Variants in UBE2W observed in about 807,000 individuals in gnomAD.
UBE2W encodes the protein ubiquitin-conjugating enzyme E2 W.
A neutral mutation model predicts 27.2 loss-of-function variants in UBE2W; 18 were observed. That is an observed-to-expected ratio of 0.66 (90% CI 0.46 to 0.98). UBE2W has a LOEUF of 0.98. Ranked by LOEUF, UBE2W falls within the 50% of genes least tolerant of loss-of-function variation. The pLI is 0.00. For missense variants in UBE2W, 90 were observed against 180.2 expected, an observed-to-expected ratio of 0.50 and a Z score of 2.87; for synonymous variants, 53 against 57.2, an observed-to-expected ratio of 0.93 and a Z score of 0.33.
intron 3 of UBE2W, among the ~76,000 whole-genome samples, chr8:73,817,719 G>A (rs1809451213): frequency 6.6e-6 from 1 of 152,072 alleles, no homozygotes; most frequent in Non-Finnish European, 1.5e-5. Flanking sequence ...CACCATGTTG[G>A]CCAGGTTGGT....
intron 1 of UBE2W, among the ~76,000 whole-genome samples, chr8:73,846,433 G>A (rs1810802844): frequency 6.6e-6 from 1 of 152,042 alleles, no homozygotes; most frequent in African/African-American, 2.4e-5. Context: ...CTTTGGGGCA[G>A]ATGTTTCAGA....
At chr8:73,800,816 G>T (rs764738576) in intron 5 of UBE2W, among the ~76,000 whole-genome samples, 1 of 152,168 alleles carries the variant, frequency 6.6e-6, no homozygotes, top group Non-Finnish European at 1.5e-5. Flanking sequence ...TCTATTGGCT[G>T]GGCGCAGTGG....
Position 73,788,981 on chromosome 8 carries a change from T to A in UBE2W, c.*5121A>T, listed in dbSNP as rs1416686698. The A allele has an allele frequency of 1.0e-6, 1 of 982,590 alleles. No individual in the cohort carries two copies. The highest frequency in any genetic ancestry group is 1.7e-5 in the African/African-American group (1 of 57,216). 60.9% of individuals were successfully genotyped at this position (982,590 alleles called of 1,614,324 possible). A position where few individuals can be genotyped will look rare whatever the true frequency, so the allele number is the denominator to read the frequency against. On this transcript the variant is annotated 3_prime_UTR_variant, in exon 6 of 6. Coordinates refer to ENST00000602593, the MANE Select transcript of UBE2W (RefSeq NM_018299.6). ...TAACAAAAAATTTTTCATAAAAAAATAGTCATTTAATCATTCTAGAGACTC... is the reference window on the plus strand; with the variant it reads ...TAACAAAAAATTTTTCATAAAAAAAAAGTCATTTAATCATTCTAGAGACTC...
chr8:73,810,350 C>T (rs1390170233), intron 4 of UBE2W, 124 bp downstream of exon 4: 3 of 965,176 alleles, frequency 3.1e-6, no homozygotes, highest in African/African-American at 3.4e-5. Context: ...ACATGAAATT[C>T]CCTATAATTT....
At chr8:73,878,712 C>A in intron 1 of UBE2W, 96 bp downstream of exon 1, 1 of 1,154,164 alleles carries the variant, frequency 8.7e-7, no homozygotes, top group Non-Finnish European at 1.3e-6. Context: ...CCGAACCCGC[C>A]CGGGTGTCCC....
chr8:73,805,462 A>AAACAAAAAAC lies in UBE2W; in HGVS notation c.442+188_442+189insGTTTTTTGTT, dbSNP rs1808844348. 6.0e-5 allele frequency among the ~76,000 whole-genome samples: 8 copies of AAACAAAAAAC among 132,750 alleles called. 1 individual carries two copies. The highest frequency in any genetic ancestry group is 1.3e-4 in the Non-Finnish European group (8 of 59,438). The allele number at this position is 132,750 out of a possible 152,430, so 87.1% of individuals were successfully genotyped here. A position where few individuals can be genotyped will look rare whatever the true frequency, so the allele number is the denominator to read the frequency against. On this transcript the variant is annotated intron_variant, in intron 5 of 5. Transcript: ENST00000602593. ...AGAGCAAAACTCCATCTCAAAAAAA[A>AAACAAAAAAC]AAAAAAAAACAAAAAAAACTAGGGT... is the stretch of plus-strand genomic sequence containing the variant.
chr8:73,813,780 T>C (rs968817771), intron 3 of UBE2W, among the ~76,000 whole-genome samples: 2 of 152,076 alleles, frequency 1.3e-5, no homozygotes, highest in African/African-American at 4.8e-5. Context: ...CAGATAGAGC[T>C]TTGCTCTTGT....
rs1220217297 is a variant in UBE2W, at chr8:73,791,521, C to G, written c.*2581G>C. The G allele has an allele frequency of 3.0e-6, 3 of 985,044 alleles. No homozygotes were observed. The highest frequency in any genetic ancestry group is 1.7e-5 in the African/African-American group (1 of 57,200). 61.0% of individuals were successfully genotyped at this position (985,044 alleles called of 1,614,324 possible). A position where few individuals can be genotyped will look rare whatever the true frequency, so the allele number is the denominator to read the frequency against. ...AGTAGCATATTCCTATATACATTTTCTTGATATTCTGGTTGTCTTTCAACA... is the reference window on the plus strand; with the variant it reads ...AGTAGCATATTCCTATATACATTTTGTTGATATTCTGGTTGTCTTTCAACA... On this transcript the variant is annotated 3_prime_UTR_variant, in exon 6 of 6. Coordinates refer to ENST00000602593, the MANE Select transcript of UBE2W (RefSeq NM_018299.6).
intron 1 of UBE2W, among the ~76,000 whole-genome samples, chr8:73,865,111 G>A (rs1346576107): frequency 7.7e-6 from 1 of 129,894 alleles, no homozygotes; most frequent in African/African-American, 2.9e-5. Context: ...AAAAAGTCTT[G>A]TTTGACCTCA....
At chr8:73,878,736 C>A in intron 1 of UBE2W, 72 bp downstream of exon 1, 1 of 1,373,792 alleles carries the variant, frequency 7.3e-7, no homozygotes, top group Non-Finnish European at 1.0e-6. Flanking sequence ...ATCGCGGACG[C>A]CACCCCCGCC....
At chr8:73,833,166 CAG>C (rs1334535001) in intron 1 of UBE2W, among the ~76,000 whole-genome samples, 1 of 117,112 alleles carries the variant, frequency 8.5e-6, no homozygotes, top group East Asian at 2.4e-4. Flanking sequence ...GCCTGGGCGA[CAG>C]AGTGAGACTC....
chr8:73,840,474 G>A (rs1202219282), intron 1 of UBE2W, among the ~76,000 whole-genome samples: 2 of 152,180 alleles, frequency 1.3e-5, no homozygotes, highest in Non-Finnish European at 2.9e-5. Flanking sequence ...TACTCTTGTG[G>A]TTATGAATCA....
chr8:73,782,227 A>G (rs563739709), downstream of UBE2W, among the ~76,000 whole-genome samples: 144 of 152,078 alleles, frequency 9.5e-4, no homozygotes, highest in Non-Finnish European at 1.9e-3. Context: ...GATTACAGGC[A>G]TGAGCCACTG....
At chr8:73,861,435 C>A (rs1431726291) in intron 1 of UBE2W, among the ~76,000 whole-genome samples, 1 of 152,076 alleles carries the variant, frequency 6.6e-6, no homozygotes, top group East Asian at 1.9e-4. Flanking sequence ...ATTCTTGGTA[C>A]GGGGCCCTGA....
At chr8:73,868,118 C>T (rs1254693902) in intron 1 of UBE2W, among the ~76,000 whole-genome samples, 4 of 152,132 alleles carry the variant, frequency 2.6e-5, no homozygotes, top group Admixed American at 2.6e-4. Flanking sequence ...CCTGGAGAGC[C>T]TCAGAAGGGA....
rs566383466 is a variant in UBE2W, at chr8:73,786,499, T to C, written c.*7603A>G. 1 of 985,476 alleles carries C rather than the reference T, an allele frequency of 1.0e-6. No individual in the cohort carries two copies. Among genetic ancestry groups the C allele is most frequent in the East Asian group, 1.1e-4 (1 of 8,818 alleles). 61.0% of individuals were successfully genotyped at this position (985,476 alleles called of 1,614,324 possible). On this transcript the variant is annotated 3_prime_UTR_variant, in exon 6 of 6. Coordinates refer to ENST00000602593, the MANE Select transcript of UBE2W (RefSeq NM_018299.6). ...AACACAATTGCAACACTGTCCCTAC[T>C]GTTAAAAAGTTCAGGATAGATGACT...
chr8:73,791,267 GAAAA>G lies in UBE2W; in HGVS notation c.*2831_*2834del, dbSNP rs1267971469. ...TGGCATTAATCCCTACTTGACCAAA[GAAAA>G]AAAAAAAAAAGAAGGGCATCATGTT... On this transcript the variant is annotated 3_prime_UTR_variant, in exon 6 of 6. Transcript: ENST00000602593. The G allele has an allele frequency of 7.3e-6, 6 of 822,366 alleles. No homozygotes were observed. The South Asian group carries it at 1.7e-4, about 23-fold the overall frequency. The allele number at this position is 822,366 out of a possible 1,614,324, so 50.9% of individuals were successfully genotyped here.
Position 73,787,230 on chromosome 8 carries a change from C to T in UBE2W, c.*6872G>A, listed in dbSNP as rs531165602. 24 of 985,408 alleles carry T rather than the reference C, an allele frequency of 2.4e-5. No individual in the cohort carries two copies. In the African/African-American group the frequency reaches 4.0e-4, roughly 16 times the overall value. 61.0% of individuals were successfully genotyped at this position (985,408 alleles called of 1,614,324 possible). On this transcript the variant is annotated 3_prime_UTR_variant, in exon 6 of 6. Transcript: ENST00000602593. ...CCACAGTGGCTTTGAGCTTTGTTGT[C>T]CAAGTACACAAAACTCTTAGCTGTC...
chr8:73,832,152 T>TATATATATATATA (rs1563601356), intron 1 of UBE2W, among the ~76,000 whole-genome samples: 2 of 150,824 alleles, frequency 1.3e-5, no homozygotes, highest in African/African-American at 4.9e-5. Flanking sequence ...TATATATATA[T>TATATATATATATA]TAGCCAGGTG....
Sources: gnomAD v4.1 joint callset for allele counts (sites outside exome capture counted in the v4.1 genomes callset) on GRCh38, gnomAD v4.1.1 for gene constraint, MANE v1.5 for transcripts, NCBI Gene and HGNC (gene_info 2026-07-23, HGNC 2026-07-21) for gene names.